The following EXD1 variants were observed in gnomAD, a reference collection of about 807,000 sequenced individuals.
EXD1 encodes the protein piRNA biogenesis protein EXD1.
A neutral mutation model predicts 49.1 loss-of-function variants in EXD1; 63 were observed. The ratio of observed to expected loss-of-function variants is 1.28; its 90% CI spans 1.05 to 1.58. The LOEUF (loss-of-function observed/expected upper bound fraction) is 1.58. EXD1 is among the 40% of genes most tolerant of loss of function. EXD1 has a pLI of 0.00. For missense variants in EXD1, 748 were observed against 666.0 expected (o/e 1.12, Z -1.36); for synonymous variants, 234 against 239.2 (o/e 0.98, Z 0.20).
Position 41,183,697 on chromosome 15 carries a change from C to A in EXD1, c.*234G>T. The A allele has an allele frequency of 2.5e-6, 1 of 405,850 alleles. No homozygotes were observed. The highest frequency in any genetic ancestry group is 7.5e-5 in the South Asian group (1 of 13,348). The allele number at this position is 405,850 out of a possible 1,614,324, so 25.1% of individuals were successfully genotyped here. The stretch of plus-strand genomic sequence containing the variant: ...TATGAAAAATAATGCACTCTGGTCA[C>A]TGAGAACATTTCTACACAGTGACAT... On this transcript the variant is annotated 3_prime_UTR_variant, in exon 12 of 12. Transcript: ENST00000458580.
intron 7 of EXD1, among the ~76,000 whole-genome samples, chr15:41,207,281 C>T (rs906592068): frequency 1.3e-5 from 2 of 150,920 alleles, no homozygotes; most frequent in African/African-American, 4.9e-5. Flanking sequence ...GTGGCTCATG[C>T]CTGTAATCCC....
chr15:41,207,942 C>T (rs1482542326), intron 7 of EXD1, among the ~76,000 whole-genome samples: 5 of 149,658 alleles, frequency 3.3e-5, no homozygotes, highest in African/African-American at 4.9e-5. Context: ...ACCTGGGAGG[C>T]GGCGGTTGTA....
intron 11 of EXD1, 125 bp from the exon 12 acceptor site, chr15:41,184,718 G>A (rs370938351): frequency 1.7e-5 from 17 of 986,860 alleles, no homozygotes; most frequent in African/African-American, 1.5e-4. Context: ...GCAGTGGCAC[G>A]ATCTCGGCTC....
intron 1 of EXD1, among the ~76,000 whole-genome samples, chr15:41,228,850 C>T (rs2140912725): frequency 6.6e-6 from 1 of 151,386 alleles, no homozygotes; most frequent in Non-Finnish European, 1.5e-5. Context: ...TGTGAAACAC[C>T]TGGAAAATAA....
chr15:41,215,685 C>CAAA (rs113812559), intron 6 of EXD1, 90 bp downstream of exon 6: 1,688 of 1,119,474 alleles, frequency 1.5e-3, no homozygotes, highest in African/African-American at 7.0e-3. Context: ...GACTCCGTCT[C>CAAA]AAAAAAAAAA....
At chr15:41,188,137 T>C (rs936663905) in intron 11 of EXD1, among the ~76,000 whole-genome samples, 3 of 152,242 alleles carry the variant, frequency 2.0e-5, no homozygotes, top group South Asian at 4.1e-4. Context: ...GCAAATATTT[T>C]AGGCTTTGTG....
intron 7 of EXD1, among the ~76,000 whole-genome samples, chr15:41,205,428 T>G (rs1016795249): frequency 7.4e-6 from 1 of 136,006 alleles, no homozygotes; most frequent in Non-Finnish European, 1.5e-5. Context: ...TTTAAGCATG[T>G]GAAAAAACTG....
chr15:41,216,733 G>C lies in EXD1; in HGVS notation c.323C>G (p.Pro108Arg), dbSNP rs1158833603. The C allele has an allele frequency of 6.2e-7, 1 of 1,613,852 alleles. No individual in the cohort carries two copies. Among genetic ancestry groups the C allele is most frequent in the South Asian group, 1.1e-5 (1 of 91,064 alleles). ...TGGTGCTTCAGGGGCAGGAGAAGCA[G>C]GCTCACATACATTTAGGTCTTCAAC... ...MKVEDLNVCE[P>R]ASPAPEAPAT... The change falls in exon 5 of 12, where the codon CCT becomes CGT. Residue 108 changes from proline to arginine, a missense_variant. Pro to Arg is a moderately radical substitution (Grantham distance 103). Transcript: ENST00000458580.
chr15:41,200,363 A>C (rs533244007), intron 7 of EXD1, among the ~76,000 whole-genome samples: 1 of 152,140 alleles, frequency 6.6e-6, no homozygotes, highest in Non-Finnish European at 1.5e-5. Flanking sequence ...TCTCTACTAA[A>C]AATACAAAAA....
At chr15:41,185,336 TTTTTG>T (rs138866634) in intron 11 of EXD1, among the ~76,000 whole-genome samples, 1 of 151,754 alleles carries the variant, frequency 6.6e-6, no homozygotes, top group African/African-American at 2.4e-5. Flanking sequence ...TTTGGGAAGT[TTTTTG>T]TTTTGTTTTG....
In EXD1 at chr15:41,183,838, C is replaced by T; in HGVS notation, c.*93G>A. Reference sequence around the variant, plus strand: ...TTCCCCTGTGACTGAAGCATTACTACATTTACAACATGAGAAACCTGGGCA... The same window carrying T: ...TTCCCCTGTGACTGAAGCATTACTATATTTACAACATGAGAAACCTGGGCA... On this transcript the variant is annotated 3_prime_UTR_variant, in exon 12 of 12. Coordinates refer to ENST00000458580, the MANE Select transcript of EXD1 (RefSeq NM_001286441.2). The T allele has an allele frequency of 7.8e-7, 1 of 1,275,060 alleles. No homozygotes were observed. Among genetic ancestry groups the T allele is most frequent in the Non-Finnish European group, 1.1e-6 (1 of 924,478 alleles). The allele number at this position is 1,275,060 out of a possible 1,614,324, so 79.0% of individuals were successfully genotyped here. A position where few individuals can be genotyped will look rare whatever the true frequency, so the allele number is the denominator to read the frequency against.
Position 41,196,026 on chromosome 15 carries a change from A to C in EXD1, c.546T>G (p.Asn182Lys). ...AAATGTCAAATAAGTAAACTCGGCA[A>C]TTTGTGGCCACCTACAATAGACCAT... is the stretch of plus-strand genomic sequence containing the variant. ...GKLCWLQVATNCRVYLFDIFL... is the reference protein window; with the variant it reads ...GKLCWLQVATKCRVYLFDIFL... Residue 182 changes from asparagine (N) to lysine (K), a missense_variant, in exon 8 of 12, where the codon AAT becomes AAG. Physicochemically the swap from Asn to Lys is moderately conservative, Grantham distance 94. Transcript: ENST00000458580. 1.2e-6 allele frequency: 2 copies of C among 1,612,492 alleles called. No individual in the cohort carries two copies. The highest frequency in any genetic ancestry group is 1.7e-6 in the Non-Finnish European group (2 of 1,179,436).
At chr15:41,228,094 T>C (rs1363086336) in intron 1 of EXD1, among the ~76,000 whole-genome samples, 1 of 152,172 alleles carries the variant, frequency 6.6e-6, no homozygotes, top group Non-Finnish European at 1.5e-5. Flanking sequence ...CTTACATTCT[T>C]TACCATAATA....
Position 41,212,864 on chromosome 15 carries a change from C to T in EXD1, c.447+2911G>A, listed in dbSNP as rs971130804. ...GACCAGCTTAGGCAACATAACGAGA[C>T]GTTGTCTCTACAAAAAATATAAAAG... On this transcript the variant is annotated intron_variant, in intron 6 of 11. Coordinates refer to ENST00000458580, the MANE Select transcript of EXD1 (RefSeq NM_001286441.2). 1.1e-4 allele frequency among the ~76,000 whole-genome samples: 17 copies of T among 152,064 alleles called. 1 individual carries two copies. Among genetic ancestry groups the T allele is most frequent in the Admixed American group, 8.5e-4 (13 of 15,246 alleles).
chr15:41,219,997 T>TAAAAA, intron 2 of EXD1, 99 bp from the exon 3 acceptor site: 1 of 600,728 alleles, frequency 1.7e-6, no homozygotes, highest in Admixed American at 3.9e-5. Flanking sequence ...GAGTTGTATT[T>TAAAAA]AAAAAAAAAA....
chr15:41,195,649 C>T, intron 9 of EXD1, 126 bp downstream of exon 9: 1 of 531,016 alleles, frequency 1.9e-6, no homozygotes, highest in Non-Finnish European at 3.0e-6. Context: ...GAAAAGTGAG[C>T]AGAAATGGAG....
chr15:41,207,521 G>A (rs1036489508), intron 7 of EXD1, among the ~76,000 whole-genome samples: 2 of 151,204 alleles, frequency 1.3e-5, no homozygotes, highest in African/African-American at 2.4e-5. Context: ...GCCTCCAGGC[G>A]ACAAGAGCAA....
At chr15:41,198,225 GA>G (rs1397162379) in intron 7 of EXD1, among the ~76,000 whole-genome samples, 2 of 152,046 alleles carry the variant, frequency 1.3e-5, no homozygotes, top group Admixed American at 1.3e-4. Flanking sequence ...GATGCTCCCA[GA>G]GTTTCAGGAC....
intron 10 of EXD1, among the ~76,000 whole-genome samples, chr15:41,191,030 C>T (rs925105297): frequency 5.3e-5 from 8 of 152,100 alleles, no homozygotes; most frequent in Non-Finnish European, 1.0e-4. Context: ...CAAGTTCAAG[C>T]GATTCTCCTG....
Sources: gnomAD v4.1 joint callset for allele counts (sites outside exome capture counted in the v4.1 genomes callset) on GRCh38, gnomAD v4.1.1 for gene constraint, MANE v1.5 for transcripts, NCBI Gene and HGNC (gene_info 2026-07-23, HGNC 2026-07-21) for gene names.